Variants in CSNK1G2 observed in about 807,000 individuals in gnomAD.
CSNK1G2 encodes casein kinase I isoform gamma-2.
A neutral mutation model predicts 48.0 loss-of-function variants in CSNK1G2; 11 were observed. The observed-to-expected ratio is 0.23, with a 90% CI of 0.14 to 0.38. The LOEUF (loss-of-function observed/expected upper bound fraction) is 0.38, where lower values mean the gene tolerates loss of function less well. Among genes scored for constraint, CSNK1G2 ranks in the 10% least tolerant of loss-of-function variants. The pLI is 1.00. For synonymous variants in CSNK1G2, 337 were observed against 254.1 expected (o/e 1.33, Z -3.10); for missense variants, 446 against 595.5 (o/e 0.75, Z 2.61).
At chr19:1,956,255 G>A (rs138114243) in intron 1 of CSNK1G2, among the ~76,000 whole-genome samples, 18 of 152,308 alleles carry the variant, frequency 1.2e-4, no homozygotes, top group African/African-American at 2.9e-4. Flanking sequence ...GCAGGGCAGC[G>A]CTCACGTCAC....
At chr19:1,947,967 C>CATT (rs5826749) in intron 1 of CSNK1G2, among the ~76,000 whole-genome samples, 2 of 151,978 alleles carry the variant, frequency 1.3e-5, no homozygotes, top group East Asian at 1.9e-4. Flanking sequence ...AGCTCGTCCT[C>CATT]GTGCCCGGGC....
rs1471306550 is a variant in CSNK1G2, at chr19:1,975,709, C to G, written c.188-2596C>G. 9 of 982,408 alleles carry G rather than the reference C, an allele frequency of 9.2e-6. No individual in the cohort carries two copies. In the Admixed American group the frequency reaches 5.5e-4, roughly 60 times the overall value. The allele number at this position is 982,408 out of a possible 1,614,324, so 60.9% of individuals were successfully genotyped here. On this transcript the variant is annotated intron_variant, in intron 2 of 11. Coordinates refer to ENST00000255641, the MANE Select transcript of CSNK1G2 (RefSeq NM_001319.7). The stretch of plus-strand genomic sequence containing the variant: ...GGGGGCAGTGTCCTGAGCTCTAAAA[C>G]TTCAAACCTGGGGCAGTGTCCTGAG...
chr19:1,979,985 G>A lies in CSNK1G2; in HGVS notation c.1161G>A (p.Ala387=), dbSNP rs749617327. 4 of 1,586,406 alleles carry A rather than the reference G, an allele frequency of 2.5e-6. No individual in the cohort carries two copies. The African/African-American group carries it at 4.0e-5, about 16-fold the overall frequency. ...TAGHSNAPIT[A]PAEVEVADET... is the part of the protein sequence containing the mutation. ...GCCACTCCAACGCCCCGATCACAGCGCCTGCAGAGGTGGAGGTGGCCGATG... is the reference window on the plus strand; with the variant it reads ...GCCACTCCAACGCCCCGATCACAGCACCTGCAGAGGTGGAGGTGGCCGATG... The change falls in exon 11 of 12, where the codon GCG becomes GCA. Residue 387 remains alanine, a synonymous_variant. Coordinates refer to ENST00000255641, the MANE Select transcript of CSNK1G2 (RefSeq NM_001319.7).
In CSNK1G2 at chr19:1,941,185, G is replaced by A. The variant is rs1384172973; in HGVS notation, c.-499G>A. On this transcript the variant is annotated 5_prime_UTR_variant, in exon 1 of 12. Transcript: ENST00000255641. ...CCCCCCGCTGGCAGACGCTGGCGGC[G>A]TAAGGCGCGCGGGCCCCGGAGCGGG... The A allele has an allele frequency of 6.8e-6, 1 of 146,502 alleles. No homozygotes were observed. The highest frequency in any genetic ancestry group is 6.8e-5 in the Admixed American group (1 of 14,748). 9.1% of individuals were successfully genotyped at this position (146,502 alleles called of 1,614,324 possible).
intron 1 of CSNK1G2, among the ~76,000 whole-genome samples, chr19:1,947,060 C>T (rs1036954263): frequency 6.6e-6 from 1 of 152,232 alleles, no homozygotes; most frequent in African/African-American, 2.4e-5. Context: ...GGCCCTATCG[C>T]TATTTAAAAG....
rs1161985644 is a variant in CSNK1G2 at position 1,971,928 on chromosome 19, C to A, written c.187+1969C>A. On this transcript the variant is annotated intron_variant, in intron 2 of 11. Coordinates refer to ENST00000255641, the MANE Select transcript of CSNK1G2 (RefSeq NM_001319.7). ...GGGACTACAGGCGCCCGCCACCACA[C>A]CCGGCTAATATTTTGTATTTTTAGT... Among the ~76,000 whole-genome samples the A allele has an allele frequency of 2.6e-5, 4 of 152,266 alleles. No individual in the cohort carries two copies. In the East Asian group the frequency reaches 7.7e-4, roughly 29 times the overall value.
At chr19:1,971,333 G>C (rs1454242169) in intron 2 of CSNK1G2, among the ~76,000 whole-genome samples, 1 of 152,208 alleles carries the variant, frequency 6.6e-6, no homozygotes, top group Admixed American at 6.5e-5. Flanking sequence ...TTCCACCTCT[G>C]CGCAGAGGCT....
At chr19:1,943,753 T>C (rs1221186489) in intron 1 of CSNK1G2, among the ~76,000 whole-genome samples, 1 of 152,210 alleles carries the variant, frequency 6.6e-6, no homozygotes, top group African/African-American at 2.4e-5. Flanking sequence ...CCGGAGTTGC[T>C]TGCCCTGGGG....
At position 1,976,753 on chromosome 19, in the gene CSNK1G2, T is replaced by C. The variant is rs867356911; in HGVS notation, c.188-1552T>C. The stretch of plus-strand genomic sequence containing the variant: ...TCTTTCTTGCTTTCTTTTTTTTTTT[T>C]TTTGAGACAGAGTTTCTCTCTTGTT... On this transcript the variant is annotated intron_variant, in intron 2 of 11. Coordinates refer to ENST00000255641, the MANE Select transcript of CSNK1G2 (RefSeq NM_001319.7). Among the ~76,000 whole-genome samples the C allele has an allele frequency of 2.8e-3, 429 of 152,042 alleles. 5 individuals are homozygous for C. Among genetic ancestry groups the C allele is most frequent in the African/African-American group, 9.8e-3 (409 of 41,526 alleles).
chr19:1,948,978 C>T (rs948165582), intron 1 of CSNK1G2, among the ~76,000 whole-genome samples: 3 of 152,184 alleles, frequency 2.0e-5, no homozygotes, highest in Non-Finnish European at 2.9e-5. Flanking sequence ...CTCATGGAAG[C>T]CTCTGTCCTC....
At chr19:1,948,561 G>T (rs916532599) in intron 1 of CSNK1G2, among the ~76,000 whole-genome samples, 3 of 125,264 alleles carry the variant, frequency 2.4e-5, no homozygotes, top group Admixed American at 8.6e-5. Context: ...AAAAGATCCC[G>T]TCACACTGAC....
At position 1,979,249 on chromosome 19, in the gene CSNK1G2, G is replaced by T. The variant is rs1407074883; in HGVS notation, c.768+1G>T. 6.4e-7 allele frequency: 1 copy of T among 1,560,122 alleles called. No individual in the cohort carries two copies. The highest frequency in any genetic ancestry group is 8.7e-7 in the Non-Finnish European group (1 of 1,152,822). ...CAGCCTCCCCTGGCAGGGGCTCAAGGTGGGCGAGGAGGCCGGGCAGGCGGG... is the reference window on the plus strand; with the variant it reads ...CAGCCTCCCCTGGCAGGGGCTCAAGTTGGGCGAGGAGGCCGGGCAGGCGGG... On this transcript the variant is annotated splice_donor_variant, in intron 7 of 11. Transcript: ENST00000255641. LOFTEE classifies it high-confidence loss of function.
chr19:1,951,928 C>T (rs1247079661), intron 1 of CSNK1G2, among the ~76,000 whole-genome samples: 1 of 152,212 alleles, frequency 6.6e-6, no homozygotes, highest in East Asian at 1.9e-4. Context: ...GATCCACCCG[C>T]CTCGGCCTTC....
intron 2 of CSNK1G2, among the ~76,000 whole-genome samples, chr19:1,970,678 C>T (rs940474780): frequency 2.6e-5 from 4 of 152,164 alleles, no homozygotes; most frequent in South Asian, 2.1e-4. Flanking sequence ...GAATCATCCC[C>T]GGAAATGTGG....
At chr19:1,949,803 G>A (rs1198658201) in intron 1 of CSNK1G2, among the ~76,000 whole-genome samples, 1 of 152,220 alleles carries the variant, frequency 6.6e-6, no homozygotes, top group Non-Finnish European at 1.5e-5. Flanking sequence ...CTGTCCTTCG[G>A]CCCGATGCTT....
intron 1 of CSNK1G2, among the ~76,000 whole-genome samples, chr19:1,943,327 C>T (rs889453220): frequency 1.3e-5 from 2 of 152,150 alleles, no homozygotes; most frequent in Non-Finnish European, 2.9e-5. Flanking sequence ...GAGGGAGCAG[C>T]GCCTCATTGC....
chr19:1,964,395 A>G (rs991275616), intron 1 of CSNK1G2, among the ~76,000 whole-genome samples: 2 of 152,106 alleles, frequency 1.3e-5, no homozygotes, highest in African/African-American at 4.8e-5. Flanking sequence ...TCACTGCTGG[A>G]GGTGGCTTTT....
intron 1 of CSNK1G2, among the ~76,000 whole-genome samples, chr19:1,965,935 C>T (rs1168098049): frequency 6.6e-6 from 1 of 152,126 alleles, no homozygotes; most frequent in Non-Finnish European, 1.5e-5. Context: ...TAGCTAGGAC[C>T]ACAGGTGCGC....
At chr19:1,965,694 C>T (rs931534070) in intron 1 of CSNK1G2, among the ~76,000 whole-genome samples, 3 of 152,048 alleles carry the variant, frequency 2.0e-5, no homozygotes, top group African/African-American at 4.8e-5. Flanking sequence ...TAGGGGGTTT[C>T]ACCATGTTCC....
Sources: gnomAD v4.1 joint callset for allele counts (sites outside exome capture counted in the v4.1 genomes callset) on GRCh38, gnomAD v4.1.1 for gene constraint, MANE v1.5 for transcripts, NCBI Gene and HGNC (gene_info 2026-07-23, HGNC 2026-07-21) for gene names.